The following CFAP299 variants were observed in gnomAD, a reference collection of about 807,000 sequenced individuals.
CFAP299 encodes cilia- and flagella-associated protein 299.
A neutral mutation model predicts 27.0 loss-of-function variants in CFAP299; 21 were observed. The ratio of observed to expected loss-of-function variants is 0.78; its 90% CI spans 0.55 to 1.12. The LOEUF is 1.12. Among genes scored for constraint, CFAP299 ranks in the 50% most tolerant of loss-of-function variants. The pLI is 0.00. For missense variants in CFAP299, 310 were observed against 276.6 expected, an observed-to-expected ratio of 1.12 and a Z score of -0.86; for synonymous variants, 104 against 98.1, an observed-to-expected ratio of 1.06 and a Z score of -0.36.
chr4:80,958,972 G>A (rs1738201912), intron 5 of CFAP299, among the ~76,000 whole-genome samples: 1 of 152,120 alleles, frequency 6.6e-6, no homozygotes, highest in East Asian at 1.9e-4. Context: ...AAACTACAGG[G>A]ACCTAAAATC....
At chr4:80,401,193 C>T (rs1217461003) in intron 2 of CFAP299, among the ~76,000 whole-genome samples, 1 of 152,178 alleles carries the variant, frequency 6.6e-6, no homozygotes, top group Non-Finnish European at 1.5e-5. Context: ...AAGAAAAGCC[C>T]ATTTTCTGGG....
chr4:80,684,100 G>T (rs10516645), intron 3 of CFAP299, among the ~76,000 whole-genome samples: 6,923 of 152,156 alleles, frequency 0.045, 546 homozygotes, highest in African/African-American at 0.16. Flanking sequence ...GCCTATTACA[G>T]TTGTCCATAT....
chr4:80,640,526 G>GTGGT (rs1206555481), intron 3 of CFAP299, among the ~76,000 whole-genome samples: 1 of 152,136 alleles, frequency 6.6e-6, no homozygotes, highest in Non-Finnish European at 1.5e-5. Context: ...CTCCCTGACA[G>GTGGT]TGGTTAGTTA....
At chr4:80,856,484 C>T (rs1055669451) in intron 3 of CFAP299, among the ~76,000 whole-genome samples, 1 of 151,342 alleles carries the variant, frequency 6.6e-6, no homozygotes, top group Non-Finnish European at 1.5e-5. Flanking sequence ...TGCCCATGCC[C>T]ATGTCCTGAA....
At chr4:80,559,167 G>A (rs1734922928) in intron 2 of CFAP299, among the ~76,000 whole-genome samples, 1 of 152,152 alleles carries the variant, frequency 6.6e-6, no homozygotes, top group African/African-American at 2.4e-5. Flanking sequence ...ACAGCTAGGG[G>A]TTGGTTTCTC....
chr4:80,783,022 T>C (rs952048501), intron 3 of CFAP299, among the ~76,000 whole-genome samples: 2 of 152,052 alleles, frequency 1.3e-5, no homozygotes, highest in African/African-American at 4.8e-5. Context: ...CATAAAAAAT[T>C]ACACCAAAAC....
chr4:80,777,712 G>T (rs1726634137), intron 3 of CFAP299, among the ~76,000 whole-genome samples: 1 of 152,070 alleles, frequency 6.6e-6, no homozygotes, highest in Admixed American at 6.6e-5. Context: ...ACATTTATAA[G>T]ACAATTGGGA....
chr4:80,378,970 G>A (rs1724559611), intron 2 of CFAP299, among the ~76,000 whole-genome samples: 1 of 151,820 alleles, frequency 6.6e-6, no homozygotes, highest in Non-Finnish European at 1.5e-5. Flanking sequence ...AATAATTTAG[G>A]ATGTTTTACT....
At chr4:80,641,610 T>C (rs1739731902) in intron 3 of CFAP299, among the ~76,000 whole-genome samples, 1 of 152,232 alleles carries the variant, frequency 6.6e-6, no homozygotes, top group South Asian at 2.1e-4. Context: ...TAAGCATATA[T>C]TATGCACAAA....
intron 2 of CFAP299, among the ~76,000 whole-genome samples, chr4:80,390,948 CACACATGTATATATGTATATATGTATGT>C: frequency 2.4e-5 from 1 of 42,250 alleles, no homozygotes; most frequent in Non-Finnish European, 6.2e-5. Flanking sequence ...TATGTATGTA[CACACATGTATATATGTATATATGTATGT>C]ACACACATGT....
intron 3 of CFAP299, among the ~76,000 whole-genome samples, chr4:80,635,592 C>T (rs1256453955): frequency 6.6e-6 from 1 of 152,032 alleles, no homozygotes; most frequent in African/African-American, 2.4e-5. Context: ...TTAGTGACTG[C>T]TATGTTCTCT....
intron 1 of CFAP299, among the ~76,000 whole-genome samples, chr4:80,360,244 A>G (rs909459029): frequency 6.6e-6 from 1 of 152,168 alleles, no homozygotes; most frequent in Non-Finnish European, 1.5e-5. Context: ...GAGTGGTAGC[A>G]GGTGCTGAGG....
At chr4:80,388,459 G>C in intron 2 of CFAP299, 4 of 1,003,642 alleles carry the variant, frequency 4.0e-6, no homozygotes, top group Non-Finnish European at 6.2e-6. Flanking sequence ...TGACCAGCGA[G>C]ACTGTGTCCA....
intron 2 of CFAP299, among the ~76,000 whole-genome samples, chr4:80,444,586 A>T (rs1728522096): frequency 6.6e-6 from 1 of 152,148 alleles, no homozygotes. Context: ...CTACAAGAAA[A>T]CCTAGGCAAT....
chr4:80,492,954 T>C, intron 2 of CFAP299, among the ~76,000 whole-genome samples: 1 of 152,094 alleles, frequency 6.6e-6, no homozygotes. Flanking sequence ...GGCCTTTTAG[T>C]GGCTTGGTTT....
At chr4:80,876,697 C>T (rs550881825) in intron 4 of CFAP299, among the ~76,000 whole-genome samples, 5 of 152,208 alleles carry the variant, frequency 3.3e-5, no homozygotes, top group African/African-American at 1.2e-4. Context: ...CAGGACCAAA[C>T]AGAGATCACT....
intron 3 of CFAP299, among the ~76,000 whole-genome samples, chr4:80,745,140 A>G (rs1412911469): frequency 6.6e-6 from 1 of 152,174 alleles, no homozygotes; most frequent in Non-Finnish European, 1.5e-5. Flanking sequence ...GAGAACTTAC[A>G]TATGTGAAGA....
At chr4:80,506,182 A>T (rs1364285523) in intron 2 of CFAP299, among the ~76,000 whole-genome samples, 1 of 152,110 alleles carries the variant, frequency 6.6e-6, no homozygotes, top group African/African-American at 2.4e-5. Flanking sequence ...GGTCACTCAT[A>T]AATCTCCAGA....
chr4:80,717,631 A>G (rs957478415), intron 3 of CFAP299, among the ~76,000 whole-genome samples: 4 of 152,152 alleles, frequency 2.6e-5, no homozygotes, highest in African/African-American at 9.7e-5. Context: ...TTATAGGAGA[A>G]TGTATTAATA....
Sources: gnomAD v4.1 joint callset for allele counts (sites outside exome capture counted in the v4.1 genomes callset) on GRCh38, gnomAD v4.1.1 for gene constraint, MANE v1.5 for transcripts, NCBI Gene and HGNC (gene_info 2026-07-23, HGNC 2026-07-21) for gene names.